HSPG2: variants seen among roughly 807,000 people sequenced by gnomAD.
HSPG2 encodes heparan sulfate proteoglycan 2.
In HSPG2, 278 loss-of-function variants were observed where a neutral mutation model predicts 526.6. The ratio of observed to expected loss-of-function variants is 0.53; its 90% confidence interval spans 0.48 to 0.58. The LOEUF is 0.58. HSPG2 is among the 20% of genes least tolerant of loss of function. The probability of loss-of-function intolerance (pLI) is 0.00; values close to 1 mark genes in which losing one functional copy is unlikely to be tolerated. For missense variants in HSPG2, 5,354 were observed against 6,099.5 expected, an observed-to-expected ratio of 0.88 and a Z score of 4.07; for synonymous variants, 2,465 against 2,555.4, an observed-to-expected ratio of 0.96 and a Z score of 1.07.
chr1:21,870,700 TG>T, intron 33 of HSPG2: 1 of 415,272 alleles, frequency 2.4e-6, no homozygotes, highest in Non-Finnish European at 3.2e-6. Context: ...CCTGGGGTCA[TG>T]GGACACCGCC....
intron 1 of HSPG2, among the ~76,000 whole-genome samples, chr1:21,929,192 G>A (rs1395372133): frequency 6.6e-6 from 1 of 152,178 alleles, no homozygotes; most frequent in African/African-American, 2.4e-5. Context: ...TACAAGCCAT[G>A]AGCTCCGGCT....
In HSPG2 at chr1:21,893,615, G is replaced by A. The variant is rs997192750; in HGVS notation, c.244+2307C>T. Among the ~76,000 whole-genome samples, 2 of 152,092 alleles carry A rather than the reference G, an allele frequency of 1.3e-5. No homozygotes were observed. Among genetic ancestry groups the A allele is most frequent in the African/African-American group, 2.4e-5 (1 of 41,408 alleles). ...GAGAGGGGACTCCTCATCAGGCTCC[G>A]AGACCATCATGCCAGCCACGGGCGG... On this transcript the variant is annotated intron_variant, in intron 3 of 96. Coordinates refer to ENST00000374695, the MANE Select transcript of HSPG2 (RefSeq NM_005529.7). This position sits in a 1 kb window ranked among gnomAD's most constrained non-coding sequence, Gnocchi z 4.3.
chr1:21,835,443 G>T, intron 76 of HSPG2, 97 bp downstream of exon 76: 1 of 814,704 alleles, frequency 1.2e-6, no homozygotes, highest in Non-Finnish European at 2.2e-6. Flanking sequence ...GACACATTTA[G>T]GGGGATTCCT....
chr1:21,876,544 G>A lies in HSPG2; in HGVS notation c.2794C>T (p.His932Tyr), dbSNP rs1227857617. 6.2e-7 allele frequency: 1 copy of A among 1,614,220 alleles called. No homozygotes were observed. The highest frequency in any genetic ancestry group is 8.5e-7 in the Non-Finnish European group (1 of 1,180,042). ...LKCFCMGVSRHCTSSSWSRAQ... is the reference protein window; with the variant it reads ...LKCFCMGVSRYCTSSSWSRAQ... ...CGGCTCCATGAAGAGCTGGTGCAGT[G>A]GCGACTGACACCCATGCAGAAGCAC... Residue 932 changes from histidine to tyrosine, a missense_variant, in exon 22 of 97, where the codon CAC becomes TAC. Transcript: ENST00000374695.
chr1:21,932,077 G>A (rs1052414126), intron 1 of HSPG2, among the ~76,000 whole-genome samples: 1 of 152,080 alleles, frequency 6.6e-6, no homozygotes. Flanking sequence ...AGAGTTCCTA[G>A]GCTTCCCCTC....
chr1:21,850,572 C>G (rs1638814979), intron 55 of HSPG2, 74 bp from the exon 56 acceptor site: 6 of 1,459,802 alleles, frequency 4.1e-6, no homozygotes, highest in Non-Finnish European at 5.5e-6. Context: ...CCCTGCCTCA[C>G]TCTGACCCCC....
At position 21,846,587 on chromosome 1, in the gene HSPG2, G is replaced by A; in HGVS notation, c.8177C>T (p.Ser2726Phe). Residue 2726 changes from serine to phenylalanine, a missense_variant, in exon 63 of 97, where the codon TCC (serine) becomes TTC (phenylalanine). By Grantham distance (155) the Ser-to-Phe change is radical (BLOSUM62 -2). Coordinates refer to ENST00000374695, the MANE Select transcript of HSPG2 (RefSeq NM_005529.7). Reference sequence around the variant, plus strand: ...GGATGACTCAATTCTGATGGGCATGGAGCTGCCAGGGGCTGGGGGAACAGA... The same window carrying A: ...GGATGACTCAATTCTGATGGGCATGAAGCTGCCAGGGGCTGGGGGAACAGA... The part of the protein sequence containing the change: ...SAGSPSAPGS[S>F]MPIRIESSSS... 6.2e-7 allele frequency: 1 copy of A among 1,613,638 alleles called. No homozygotes were observed. The highest frequency in any genetic ancestry group is 1.3e-5 in the African/African-American group (1 of 75,070).
chr1:21,828,525 C>T lies in HSPG2; in HGVS notation c.12238-99G>A, dbSNP rs1054076180. Reference sequence around the variant, plus strand: ...AATGCAGCAGAGGGGAGCTGGGAGCCCACATTGGGCCCTGAGTGGTAGCAT... The same window carrying T: ...AATGCAGCAGAGGGGAGCTGGGAGCTCACATTGGGCCCTGAGTGGTAGCAT... On this transcript the variant is annotated intron_variant, in intron 88 of 96. Transcript: ENST00000374695. This position sits in a 1 kb window ranked among gnomAD's most constrained non-coding sequence, Gnocchi z 6.0. The T allele has an allele frequency of 7.8e-7, 1 of 1,280,862 alleles. No individual in the cohort carries two copies. Among genetic ancestry groups the T allele is most frequent in the Non-Finnish European group, 1.1e-6 (1 of 904,508 alleles). The allele number at this position is 1,280,862 out of a possible 1,614,324, so 79.3% of individuals were successfully genotyped here.
chr1:21,876,316 C>A lies in HSPG2; in HGVS notation c.2916G>T (p.Thr972=), dbSNP rs1294706536. The stretch of plus-strand genomic sequence containing the variant: ...AGGAGGAGAATCCCAGTTCCCCGGG[C>A]GTGGGGGAGAAGATGCCCTCGTTGG... ...HTTNEGIFSP[T]PGELGFSSFH... The change falls in exon 23 of 97, where the codon ACG becomes ACT. Residue 972 remains threonine (T), a synonymous_variant. Transcript: ENST00000374695. The A allele has an allele frequency of 1.2e-6, 2 of 1,613,962 alleles. No homozygotes were observed. The highest frequency in any genetic ancestry group is 1.7e-5 in the Admixed American group (1 of 59,998).
chr1:21,822,758 G>A lies in HSPG2; in HGVS notation c.*558C>T, dbSNP rs1032005542. ...CTGCCAGAGGAGGTGCCAGGGGCTG[G>A]GTGGAGGTGGGTGGGGGTGCTGAAA... On this transcript the variant is annotated 3_prime_UTR_variant, in exon 97 of 97. Transcript: ENST00000374695. The A allele has an allele frequency of 1.2e-5, 2 of 162,664 alleles. No individual in the cohort carries two copies. The highest frequency in any genetic ancestry group is 1.3e-5 in the Non-Finnish European group (1 of 74,366). 10.1% of individuals were successfully genotyped at this position (162,664 alleles called of 1,614,324 possible).
chr1:21,915,579 C>A (rs1643869717), intron 1 of HSPG2, among the ~76,000 whole-genome samples: 1 of 152,128 alleles, frequency 6.6e-6, no homozygotes, highest in African/African-American at 2.4e-5. Context: ...GGAACGGTTC[C>A]AATATGGGAC....
Position 21,828,565 on chromosome 1 carries a change from G to A in HSPG2, c.12238-139C>T. 2.1e-6 allele frequency: 2 copies of A among 963,118 alleles called. No homozygotes were observed. Among genetic ancestry groups the A allele is most frequent in the Non-Finnish European group, 3.1e-6 (2 of 639,394 alleles). The allele number at this position is 963,118 out of a possible 1,614,324, so 59.7% of individuals were successfully genotyped here. A position where few individuals can be genotyped will look rare whatever the true frequency, so the allele number is the denominator to read the frequency against. On this transcript the variant is annotated intron_variant, in intron 88 of 96. Coordinates refer to ENST00000374695, the MANE Select transcript of HSPG2 (RefSeq NM_005529.7). The surrounding 1 kb of genome is among the most constrained non-coding windows in gnomAD (Gnocchi z 6.0). ...AGTGGTAGCATGGATTCTCGGTGTG[G>A]GGAGGGAGGCGCAGGAGTTGAGTGC...
rs990602903 is a variant in HSPG2, at chr1:21,928,674, C to T, written c.63+8481G>A. On this transcript the variant is annotated intron_variant, in intron 1 of 96. Transcript: ENST00000374695. Reference sequence around the variant, plus strand: ...GCCAGGCTGGTCTCGAACTCCTGACCTCAAGTATCTGCTCACCTCAGCCTC... The same window carrying T: ...GCCAGGCTGGTCTCGAACTCCTGACTTCAAGTATCTGCTCACCTCAGCCTC... 2.0e-5 allele frequency among the ~76,000 whole-genome samples: 3 copies of T among 152,096 alleles called. No homozygotes were observed. In the South Asian group the frequency reaches 6.2e-4, roughly 31 times the overall value.
chr1:21,831,854 C>A, intron 81 of HSPG2, 58 bp from the exon 82 acceptor site: 2 of 1,533,792 alleles, frequency 1.3e-6, no homozygotes, highest in Non-Finnish European at 1.8e-6. Context: ...GTAAGAAGGG[C>A]TAGGGGCCCA....
chr1:21,881,398 G>A lies in HSPG2; in HGVS notation c.1759C>T (p.Arg587Cys), dbSNP rs1386810012. 3.7e-6 allele frequency: 6 copies of A among 1,614,038 alleles called. No individual in the cohort carries two copies. The highest frequency in any genetic ancestry group is 1.1e-5 in the South Asian group (1 of 91,090). ...LHEFQLVDLSRRFLVHDSFWA... is the reference protein window; with the variant it reads ...LHEFQLVDLSCRFLVHDSFWA... ...AAGGAGTCGTGGACGAGGAAGCGGC[G>A]GGACAGGTCGACTAGCTGGAACTCG... The change falls in exon 14 of 97, where the codon CGC becomes TGC. Residue 587 changes from arginine to cysteine, a missense_variant. Coordinates refer to ENST00000374695, the MANE Select transcript of HSPG2 (RefSeq NM_005529.7).
chr1:21,900,778 G>A (rs1018374788), intron 1 of HSPG2, among the ~76,000 whole-genome samples: 2 of 152,046 alleles, frequency 1.3e-5, no homozygotes, highest in African/African-American at 4.8e-5. Context: ...CCAACTACTC[G>A]GGAGGCTGAG....
intron 87 of HSPG2, 76 bp downstream of exon 87, chr1:21,829,307 C>T (rs2097991429): frequency 6.7e-7 from 1 of 1,499,372 alleles, no homozygotes; most frequent in Non-Finnish European, 9.3e-7. Flanking sequence ...CCTCCCATGC[C>T]TCCCTGGGGC....
At position 21,937,205 on chromosome 1, in the gene HSPG2, C is replaced by A; in HGVS notation, c.13G>T (p.Ala5Ser). 9.3e-7 allele frequency: 1 copy of A among 1,075,372 alleles called. No homozygotes were observed. Among genetic ancestry groups the A allele is most frequent in the South Asian group, 2.6e-5 (1 of 37,784 alleles). 66.6% of individuals were successfully genotyped at this position (1,075,372 alleles called of 1,614,324 possible). A position where few individuals can be genotyped will look rare whatever the true frequency, so the allele number is the denominator to read the frequency against. Residue 5 changes from alanine (A) to serine (S), a missense_variant, in exon 1 of 97, where the codon GCG becomes TCG. Coordinates refer to ENST00000374695, the MANE Select transcript of HSPG2 (RefSeq NM_005529.7). MGWR[A>S]AGALLLALLL... ...AGCGCCAGCAGCAGCGCGCCCGCCGCCCGCCACCCCATGGCCCGGCCCGCG... is the reference window on the plus strand; with the variant it reads ...AGCGCCAGCAGCAGCGCGCCCGCCGACCGCCACCCCATGGCCCGGCCCGCG...
At chr1:21,906,995 CG>C (rs1252926798) in intron 1 of HSPG2, among the ~76,000 whole-genome samples, 4 of 151,756 alleles carry the variant, frequency 2.6e-5, no homozygotes, top group African/African-American at 9.7e-5. Context: ...GGCTGGCGGC[CG>C]GCTAGCTGGT....
Sources: allele counts gnomAD v4.1 joint callset (sites outside exome capture counted in the v4.1 genomes callset), GRCh38; gene constraint gnomAD v4.1.1; non-coding constraint Gnocchi (gnomAD v3.1); transcripts MANE v1.5; gene names NCBI Gene and HGNC (gene_info 2026-07-23, HGNC 2026-07-21).